Variants in SLC8A3 observed in about 807,000 individuals in gnomAD.
SLC8A3 encodes solute carrier family 8 member A3.
A neutral mutation model predicts 65.4 loss-of-function variants in SLC8A3; 37 were observed. The observed-to-expected ratio is 0.57, with a 90% CI of 0.44 to 0.74. The LOEUF (loss-of-function observed/expected upper bound fraction) is 0.74, where lower values mean the gene tolerates loss of function less well. Among genes scored for constraint, SLC8A3 ranks in the 30% least tolerant of loss-of-function variants. SLC8A3 has a pLI of 0.00. For synonymous variants in SLC8A3, 461 were observed against 444.5 expected, an observed-to-expected ratio of 1.04 and a Z score of -0.47; for missense variants, 1,112 against 1,172.1, an observed-to-expected ratio of 0.95 and a Z score of 0.75.
chr14:70,055,339 C>G (rs552989140), intron 3 of SLC8A3, among the ~76,000 whole-genome samples: 3 of 152,086 alleles, frequency 2.0e-5, no homozygotes, highest in Non-Finnish European at 4.4e-5. Flanking sequence ...AATTGCATTT[C>G]CTATTCTCAC....
At position 70,080,213 on chromosome 14, in the gene SLC8A3, T is replaced by C. The variant is rs1890938351; in HGVS notation, c.1785-19274A>G. The stretch of plus-strand genomic sequence containing the variant: ...GCTGGAAGAGTTGATACTCAGACTA[T>C]ATTTAGATGCCTTAGCGCTTTCATT... On this transcript the variant is annotated intron_variant, in intron 2 of 6. Transcript: ENST00000356921. 3.0e-6 allele frequency: 3 copies of C among 985,308 alleles called. No homozygotes were observed. In the South Asian group the frequency reaches 1.4e-4, roughly 46 times the overall value. 61.0% of individuals were successfully genotyped at this position (985,308 alleles called of 1,614,324 possible). A position where few individuals can be genotyped will look rare whatever the true frequency, so the allele number is the denominator to read the frequency against.
chr14:70,046,435 G>C lies in SLC8A3; in HGVS notation c.2390-112C>G. ...GCTGGTGGGCTGAACCCAGGAATGA[G>C]AGACAAGGGCTAGGGGGCCACTCCT... On this transcript the variant is annotated intron_variant, in intron 6 of 6. Transcript: ENST00000356921. This position sits in a 1 kb window ranked among gnomAD's most constrained non-coding sequence, Gnocchi z 4.2. 8.8e-7 allele frequency: 1 copy of C among 1,134,394 alleles called. No individual in the cohort carries two copies. The highest frequency in any genetic ancestry group is 1.2e-6 in the Non-Finnish European group (1 of 809,722). 70.3% of individuals were successfully genotyped at this position (1,134,394 alleles called of 1,614,324 possible). A position where few individuals can be genotyped will look rare whatever the true frequency, so the allele number is the denominator to read the frequency against.
chr14:70,087,626 C>A (rs1488192064), intron 2 of SLC8A3, among the ~76,000 whole-genome samples: 1 of 152,120 alleles, frequency 6.6e-6, no homozygotes, highest in African/African-American at 2.4e-5. Context: ...ACAGAAAAAT[C>A]ATTTGAGCTG....
chr14:70,187,599 CTGTG>C (rs3053393), intron 1 of SLC8A3, among the ~76,000 whole-genome samples: 13,675 of 118,074 alleles, frequency 0.12, 733 homozygotes, highest in African/African-American at 0.16. Flanking sequence ...AGGGCTTTGA[CTGTG>C]TGTGTGTGTG....
chr14:70,175,401 G>T (rs970743447), intron 1 of SLC8A3, among the ~76,000 whole-genome samples: 1 of 152,124 alleles, frequency 6.6e-6, no homozygotes, highest in African/African-American at 2.4e-5. Context: ...TGGCAAAGAG[G>T]GGCTATGAAA....
At chr14:70,154,093 G>T (rs1896433757) in intron 2 of SLC8A3, among the ~76,000 whole-genome samples, 1 of 152,182 alleles carries the variant, frequency 6.6e-6, no homozygotes, top group African/African-American at 2.4e-5. Flanking sequence ...CAAACTCCCT[G>T]GGCCCAGTTA....
chr14:70,109,472 T>A (rs537477352), intron 2 of SLC8A3, among the ~76,000 whole-genome samples: 3 of 130,068 alleles, frequency 2.3e-5, no homozygotes, highest in Non-Finnish European at 3.4e-5. Context: ...TATATATATA[T>A]AAAACAGAGT....
chr14:70,071,714 G>T (rs775214748), intron 2 of SLC8A3, among the ~76,000 whole-genome samples: 15 of 152,202 alleles, frequency 9.9e-5, no homozygotes, highest in Non-Finnish European at 1.9e-4. Context: ...GGACTTCTGA[G>T]ATACAGAACT....
chr14:70,152,641 C>T (rs1408388784), intron 2 of SLC8A3, among the ~76,000 whole-genome samples: 1 of 152,062 alleles, frequency 6.6e-6, no homozygotes, highest in East Asian at 1.9e-4. Flanking sequence ...AAGAAAAATC[C>T]TGGGCAGACA....
intron 2 of SLC8A3, among the ~76,000 whole-genome samples, chr14:70,092,062 A>C (rs2140063635): frequency 6.6e-6 from 1 of 152,300 alleles, no homozygotes; most frequent in South Asian, 2.1e-4. Context: ...AAATCCTTGT[A>C]GGGTTCTTGA....
chr14:70,165,980 C>T (rs1262826159), intron 2 of SLC8A3, among the ~76,000 whole-genome samples: 2 of 152,220 alleles, frequency 1.3e-5, no homozygotes, highest in African/African-American at 2.4e-5. Context: ...AGATACTTTC[C>T]AGTATCCAAA....
At chr14:70,072,047 A>T (rs1210512490) in intron 2 of SLC8A3, among the ~76,000 whole-genome samples, 1 of 152,210 alleles carries the variant, frequency 6.6e-6, no homozygotes, top group Non-Finnish European at 1.5e-5. Context: ...GGCTTCCCCT[A>T]GGGAAAGTGT....
At chr14:70,158,200 A>C (rs1170574063) in intron 2 of SLC8A3, among the ~76,000 whole-genome samples, 1 of 152,238 alleles carries the variant, frequency 6.6e-6, no homozygotes, top group African/African-American at 2.4e-5. Flanking sequence ...AATAGTGTAC[A>C]AACATGAAGT....
intron 2 of SLC8A3, among the ~76,000 whole-genome samples, chr14:70,098,813 C>T (rs1041062605): frequency 1.3e-5 from 2 of 152,104 alleles, no homozygotes; most frequent in Non-Finnish European, 2.9e-5. Flanking sequence ...GAAAAGGTGC[C>T]GACTCTGGAG....
intron 2 of SLC8A3, among the ~76,000 whole-genome samples, chr14:70,094,811 T>C (rs1892044323): frequency 6.6e-6 from 1 of 152,254 alleles, no homozygotes; most frequent in Non-Finnish European, 1.5e-5. Flanking sequence ...CTGCCAGGGC[T>C]GCTTATGTTT....
chr14:70,115,505 T>C (rs1046808390), intron 2 of SLC8A3, among the ~76,000 whole-genome samples: 1 of 152,084 alleles, frequency 6.6e-6, no homozygotes, highest in Non-Finnish European at 1.5e-5. Flanking sequence ...AAAGAATAAA[T>C]GGAAAATTCA....
In SLC8A3 at chr14:70,045,883, G is replaced by A. The variant is rs920654866; in HGVS notation, c.*64C>T. 1.4e-6 allele frequency: 2 copies of A among 1,440,520 alleles called. No individual in the cohort carries two copies. The highest frequency in any genetic ancestry group is 9.3e-7 in the Non-Finnish European group (1 of 1,077,252). The allele number at this position is 1,440,520 out of a possible 1,614,324, so 89.2% of individuals were successfully genotyped here. On this transcript the variant is annotated 3_prime_UTR_variant, in exon 7 of 7. Coordinates refer to ENST00000356921, the MANE Select transcript of SLC8A3 (RefSeq NM_182932.3). ...AGTGCAGTCGGGAGAGATCACTGGTGGGGAAGTGCCCTTCTCTTAGGAGAA... is the reference window on the plus strand; with the variant it reads ...AGTGCAGTCGGGAGAGATCACTGGTAGGGAAGTGCCCTTCTCTTAGGAGAA...
At chr14:70,077,376 G>A (rs1890631182) in intron 2 of SLC8A3, among the ~76,000 whole-genome samples, 1 of 152,198 alleles carries the variant, frequency 6.6e-6, no homozygotes, top group African/African-American at 2.4e-5. Flanking sequence ...AGTGGAAGCT[G>A]AATGCCTTTT....
chr14:70,185,961 A>G (rs1883174597), intron 1 of SLC8A3, among the ~76,000 whole-genome samples: 1 of 152,208 alleles, frequency 6.6e-6, no homozygotes, highest in Non-Finnish European at 1.5e-5. Flanking sequence ...TGAATAAACA[A>G]ATATTTTTCT....
Sources: allele counts gnomAD v4.1 joint callset (sites outside exome capture counted in the v4.1 genomes callset), GRCh38; gene constraint gnomAD v4.1.1; non-coding constraint Gnocchi (gnomAD v3.1); transcripts MANE v1.5; gene names NCBI Gene and HGNC (gene_info 2026-07-23, HGNC 2026-07-21).